Variants in SAV1 observed in about 807,000 individuals in gnomAD.
The protein encoded by SAV1 is protein salvador homolog 1.
A neutral mutation model predicts 47.3 loss-of-function variants in SAV1; 23 were observed. That is an observed-to-expected ratio of 0.49 (90% CI 0.35 to 0.69). The LOEUF (loss-of-function observed/expected upper bound fraction) is 0.69, where lower values mean the gene tolerates loss of function less well. SAV1 is among the 30% of genes least tolerant of loss of function. SAV1 has a pLI of 0.01. For synonymous variants in SAV1, 155 were observed against 159.2 expected (o/e 0.97, Z 0.20); for missense variants, 448 against 457.4 (o/e 0.98, Z 0.19).
At chr14:50,643,454 C>A (rs567037942) in intron 3 of SAV1, among the ~76,000 whole-genome samples, 2 of 152,250 alleles carry the variant, frequency 1.3e-5, no homozygotes, top group South Asian at 4.1e-4. Flanking sequence ...TTTAAACTAT[C>A]AGATCTCATG....
At chr14:50,652,379 A>G (rs929341786) in intron 2 of SAV1, among the ~76,000 whole-genome samples, 2 of 152,252 alleles carry the variant, frequency 1.3e-5, no homozygotes, top group Non-Finnish European at 2.9e-5. Context: ...GTCTACAAGC[A>G]TTAATCCACC....
chr14:50,658,185 A>G (rs1468658034), intron 2 of SAV1, among the ~76,000 whole-genome samples: 1 of 152,226 alleles, frequency 6.6e-6, no homozygotes, highest in Non-Finnish European at 1.5e-5. Context: ...GGTTACACAA[A>G]TATTTACACA....
chr14:50,654,755 A>G (rs1048907246), intron 2 of SAV1, among the ~76,000 whole-genome samples: 2 of 152,202 alleles, frequency 1.3e-5, no homozygotes, highest in East Asian at 1.9e-4. Flanking sequence ...CCAAAAACCA[A>G]TAATAGATAA....
At chr14:50,653,018 G>A (rs544790576) in intron 2 of SAV1, among the ~76,000 whole-genome samples, 1 of 151,238 alleles carries the variant, frequency 6.6e-6, no homozygotes, top group East Asian at 1.9e-4. Context: ...GTGACAGAGG[G>A]AGACGTCTAA....
At chr14:50,662,539 T>C (rs1019445062) in intron 2 of SAV1, 1 of 152,198 alleles carries the variant, frequency 6.6e-6, no homozygotes, top group African/African-American at 2.4e-5. Flanking sequence ...TATTTTGAAG[T>C]TGTGACTGGA....
chr14:50,637,022 G>A (rs1367339221), intron 4 of SAV1, among the ~76,000 whole-genome samples: 2 of 152,118 alleles, frequency 1.3e-5, no homozygotes, highest in African/African-American at 4.8e-5. Flanking sequence ...TTTAAAAAAG[G>A]GAGATAGAAA....
intron 2 of SAV1, chr14:50,664,648 C>T (rs951875567): frequency 6.6e-6 from 1 of 152,184 alleles, no homozygotes; most frequent in African/African-American, 2.4e-5. Context: ...AACCATATGA[C>T]AATAAGTCTT....
chr14:50,661,547 T>C (rs978131311), intron 2 of SAV1, among the ~76,000 whole-genome samples: 3 of 152,184 alleles, frequency 2.0e-5, no homozygotes, highest in African/African-American at 4.8e-5. Flanking sequence ...TTCCCCTACA[T>C]TTTCTTCTAG....
In SAV1 at chr14:50,635,146, A is replaced by T; in HGVS notation, c.*37T>A. On this transcript the variant is annotated 3_prime_UTR_variant, in exon 5 of 5. Coordinates refer to ENST00000324679, the MANE Select transcript of SAV1 (RefSeq NM_021818.4). Reference sequence around the variant, plus strand: ...AATTTTTTATCTGTGAAAATATTTTAAAGCTCTTACAAAACTTAAATTTTT... The same window carrying T: ...AATTTTTTATCTGTGAAAATATTTTTAAGCTCTTACAAAACTTAAATTTTT... 1 of 1,491,572 alleles carries T rather than the reference A, an allele frequency of 6.7e-7. No homozygotes were observed. The highest frequency in any genetic ancestry group is 9.3e-7 in the Non-Finnish European group (1 of 1,072,484). The allele number at this position is 1,491,572 out of a possible 1,614,324, so 92.4% of individuals were successfully genotyped here.
chr14:50,656,049 A>C (rs1336874324), intron 2 of SAV1, among the ~76,000 whole-genome samples: 1 of 152,202 alleles, frequency 6.6e-6, no homozygotes, highest in Non-Finnish European at 1.5e-5. Context: ...CCGTCTCAAA[A>C]ACAAAAACAA....
At chr14:50,652,330 A>T (rs1303693041) in intron 2 of SAV1, among the ~76,000 whole-genome samples, 1 of 152,266 alleles carries the variant, frequency 6.6e-6, no homozygotes, top group African/African-American at 2.4e-5. Context: ...ATTTCCAGAA[A>T]GCAACAAAAC....
At chr14:50,655,906 A>G (rs373074049) in intron 2 of SAV1, among the ~76,000 whole-genome samples, 4 of 152,070 alleles carry the variant, frequency 2.6e-5, no homozygotes, top group African/African-American at 9.7e-5. Flanking sequence ...TTAGCCGGGC[A>G]TGGTGGCATA....
chr14:50,657,473 C>T (rs577250627), intron 2 of SAV1, among the ~76,000 whole-genome samples: 35 of 152,160 alleles, frequency 2.3e-4, no homozygotes, highest in Non-Finnish European at 3.8e-4. Context: ...TACCAGTGGT[C>T]ACACAACAAG....
At chr14:50,646,274 C>T (rs2039720882) in intron 2 of SAV1, among the ~76,000 whole-genome samples, 1 of 152,154 alleles carries the variant, frequency 6.6e-6, no homozygotes, top group African/African-American at 2.4e-5. Context: ...AATGTAATCT[C>T]TCTCCCTCTC....
At chr14:50,641,433 A>G (rs1206809131) in intron 3 of SAV1, among the ~76,000 whole-genome samples, 1 of 152,076 alleles carries the variant, frequency 6.6e-6, no homozygotes, top group Non-Finnish European at 1.5e-5. Flanking sequence ...TAGCCTGTGT[A>G]TGCTGTGGGG....
At position 50,646,236 on chromosome 14, in the gene SAV1, G is replaced by C. The variant is rs187923756; in HGVS notation, c.536-1222C>G. On this transcript the variant is annotated intron_variant, in intron 2 of 4. Coordinates refer to ENST00000324679, the MANE Select transcript of SAV1 (RefSeq NM_021818.4). ...GTAAGGGATTAACAAAAATAAAATTGAACAATTATTATAATAAAAACTGGG... is the reference window on the plus strand; with the variant it reads ...GTAAGGGATTAACAAAAATAAAATTCAACAATTATTATAATAAAAACTGGG... 8.3e-4 allele frequency among the ~76,000 whole-genome samples: 126 copies of C among 152,156 alleles called. 1 individual carries two copies. The highest frequency in any genetic ancestry group is 2.9e-3 in the African/African-American group (119 of 41,508).
chr14:50,665,587 T>G lies in SAV1; in HGVS notation c.127A>C (p.Thr43Pro), dbSNP rs757404738. 1 of 1,612,876 alleles carries G rather than the reference T, an allele frequency of 6.2e-7. No homozygotes were observed. Among genetic ancestry groups the G allele is most frequent in the Non-Finnish European group, 8.5e-7 (1 of 1,179,336 alleles). ...CAGATATCAGTTCGTCTTGGAATTG[T>G]TGGACCATGCCGGATGAATGAAGGC... Reference protein sequence around the residue: ...LMPSFIRHGPTIPRRTDICLP... With the variant: ...LMPSFIRHGPPIPRRTDICLP... The change falls in exon 2 of 5, where the codon ACA (threonine) becomes CCA (proline). Residue 43 changes from threonine to proline, a missense_variant. Transcript: ENST00000324679.
chr14:50,659,780 G>A (rs2039843371), intron 2 of SAV1, among the ~76,000 whole-genome samples: 1 of 152,186 alleles, frequency 6.6e-6, no homozygotes, highest in South Asian at 2.1e-4. Flanking sequence ...CGAGGTCGAG[G>A]CTGCAGTGAG....
At chr14:50,666,977 T>C (rs2039906807) in intron 1 of SAV1, among the ~76,000 whole-genome samples, 2 of 151,914 alleles carry the variant, frequency 1.3e-5, no homozygotes, top group Admixed American at 1.3e-4. Context: ...AATTACAATA[T>C]GAGGTAATAC....
Sources: allele counts gnomAD v4.1 joint callset (sites outside exome capture counted in the v4.1 genomes callset), GRCh38; gene constraint gnomAD v4.1.1; transcripts MANE v1.5; gene names NCBI Gene and HGNC (gene_info 2026-07-23, HGNC 2026-07-21).